The following GTF2E1 variants were observed in gnomAD, a reference collection of about 807,000 sequenced individuals.
The protein encoded by GTF2E1 is general transcription factor IIE subunit 1, also known as TFIIE alpha subunit.
In GTF2E1, 14 loss-of-function variants were observed where a neutral mutation model predicts 34.9. The ratio of observed to expected loss-of-function variants is 0.40; its 90% CI spans 0.27 to 0.63. The LOEUF (loss-of-function observed/expected upper bound fraction) is 0.63. Among genes scored for constraint, GTF2E1 ranks in the 20% least tolerant of loss-of-function variants. The pLI is 0.39. For missense variants in GTF2E1, 469 were observed against 557.7 expected (o/e 0.84, Z 1.60); for synonymous variants, 188 against 192.9 (o/e 0.97, Z 0.21).
intron 3 of GTF2E1, among the ~76,000 whole-genome samples, chr3:120,775,585 A>G (rs1709392284): frequency 6.6e-6 from 1 of 152,206 alleles, no homozygotes; most frequent in Non-Finnish European, 1.5e-5. Flanking sequence ...AAAATGGGGA[A>G]CCATCAGAAA....
intron 4 of GTF2E1, among the ~76,000 whole-genome samples, chr3:120,778,693 C>T (rs1709421284): frequency 6.6e-6 from 1 of 152,064 alleles, no homozygotes; most frequent in South Asian, 2.1e-4. Context: ...GTTTTATTTC[C>T]AGTATCTTTC....
chr3:120,781,606 TAG>T lies in GTF2E1; in HGVS notation c.*141_*142del. On this transcript the variant is annotated 3_prime_UTR_variant, in exon 5 of 5. Coordinates refer to ENST00000283875, the MANE Select transcript of GTF2E1 (RefSeq NM_005513.3). The stretch of plus-strand genomic sequence containing the variant: ...TCCATCCTTGTGCAAAGATTGATGG[TAG>T]AGAGTTTGACTTTTATGCCAGAAAC... 1.5e-6 allele frequency: 1 copy of T among 688,186 alleles called. No homozygotes were observed. Among genetic ancestry groups the T allele is most frequent in the South Asian group, 2.0e-5 (1 of 50,338 alleles). The allele number at this position is 688,186 out of a possible 1,614,324, so 42.6% of individuals were successfully genotyped here. A position where few individuals can be genotyped will look rare whatever the true frequency, so the allele number is the denominator to read the frequency against.
At chr3:120,754,585 T>C (rs1390213794) in intron 2 of GTF2E1, among the ~76,000 whole-genome samples, 1 of 152,138 alleles carries the variant, frequency 6.6e-6, no homozygotes, top group African/African-American at 2.4e-5. Flanking sequence ...TTTTTTCTTA[T>C]GAATTCTTGG....
chr3:120,759,358 A>G (rs1709237147), intron 2 of GTF2E1, among the ~76,000 whole-genome samples: 1 of 152,130 alleles, frequency 6.6e-6, no homozygotes, highest in Non-Finnish European at 1.5e-5. Flanking sequence ...AGGTGGGTAG[A>G]TTGCAAAGAT....
chr3:120,770,196 C>T (rs578203312), intron 2 of GTF2E1, among the ~76,000 whole-genome samples: 114 of 151,844 alleles, frequency 7.5e-4, no homozygotes, highest in African/African-American at 2.7e-3. Context: ...GTGGTGTAGA[C>T]TGTTAAGTAA....
intron 1 of GTF2E1, among the ~76,000 whole-genome samples, chr3:120,747,396 G>A (rs936756782): frequency 7.9e-5 from 12 of 151,686 alleles, no homozygotes; most frequent in South Asian, 2.1e-4. Context: ...ATCCCTCCCC[G>A]CTCCCTCCTC....
At chr3:120,743,875 C>G (rs1318446635) in intron 1 of GTF2E1, among the ~76,000 whole-genome samples, 2 of 152,140 alleles carry the variant, frequency 1.3e-5, no homozygotes, top group Non-Finnish European at 2.9e-5. Context: ...TTCTCTGGCT[C>G]CGTGCCTGGT....
intron 2 of GTF2E1, among the ~76,000 whole-genome samples, chr3:120,756,756 T>C (rs987665341): frequency 6.6e-6 from 1 of 152,058 alleles, no homozygotes; most frequent in South Asian, 2.1e-4. Context: ...CAAAACCCCA[T>C]CTCTACTAAA....
rs1038934616 is a variant in GTF2E1, at chr3:120,757,108, C to T, written c.448+6108C>T. On this transcript the variant is annotated intron_variant, in intron 2 of 4. Transcript: ENST00000283875. Reference sequence around the variant, plus strand: ...TCAGATAGTTGAGATGAGTTTGGTTCTGCATGCTGAGATGAATTTGATTTG... The same window carrying T: ...TCAGATAGTTGAGATGAGTTTGGTTTTGCATGCTGAGATGAATTTGATTTG... 3.3e-5 allele frequency among the ~76,000 whole-genome samples: 5 copies of T among 152,150 alleles called. No individual in the cohort carries two copies. In the East Asian group the frequency reaches 5.8e-4, roughly 18 times the overall value.
chr3:120,782,611 C>G lies in GTF2E1; in HGVS notation c.*1141C>G, dbSNP rs1416110270. 2.0e-5 allele frequency: 3 copies of G among 152,182 alleles called. No individual in the cohort carries two copies. The highest frequency in any genetic ancestry group is 2.9e-5 in the Non-Finnish European group (2 of 68,044). The allele number at this position is 152,182 out of a possible 1,614,324, so 9.4% of individuals were successfully genotyped here. A position where few individuals can be genotyped will look rare whatever the true frequency, so the allele number is the denominator to read the frequency against. Reference sequence around the variant, plus strand: ...CTGAGACTGGTCCTGGTTTTGTTCCCTTTGGGTACAGACCTCTTGTCAGTG... The same window carrying G: ...CTGAGACTGGTCCTGGTTTTGTTCCGTTTGGGTACAGACCTCTTGTCAGTG... On this transcript the variant is annotated 3_prime_UTR_variant, in exon 5 of 5. Coordinates refer to ENST00000283875, the MANE Select transcript of GTF2E1 (RefSeq NM_005513.3).
At chr3:120,749,735 C>G (rs563428611) in intron 1 of GTF2E1, 1 of 152,254 alleles carries the variant, frequency 6.6e-6, no homozygotes, top group South Asian at 2.1e-4. Flanking sequence ...GGTTGTGTCT[C>G]TGCCCGAAGC....
intron 3 of GTF2E1, among the ~76,000 whole-genome samples, chr3:120,771,636 C>T (rs1377044425): frequency 6.6e-6 from 1 of 152,120 alleles, no homozygotes; most frequent in African/African-American, 2.4e-5. Context: ...CACTCCCTTC[C>T]AAAGAGCTCA....
intron 1 of GTF2E1, 38 bp downstream of exon 1, chr3:120,742,832 G>A: frequency 2.6e-6 from 1 of 385,556 alleles, no homozygotes; most frequent in East Asian, 5.9e-5. Flanking sequence ...GGAGTTCCCT[G>A]GCCGGGCATT....
chr3:120,781,089 T>C lies in GTF2E1; in HGVS notation c.939T>C (p.Ala313=). 2 of 1,614,066 alleles carry C rather than the reference T, an allele frequency of 1.2e-6. No homozygotes were observed. The highest frequency in any genetic ancestry group is 8.5e-7 in the Non-Finnish European group (1 of 1,179,952). ...DAFQEREEGH[A]GPDDNEEVMR... ...TTCAGGAGCGTGAGGAAGGCCATGC[T>C]GGGCCTGATGACAACGAAGAGGTCA... Residue 313 remains alanine, a synonymous_variant, in exon 5 of 5, where the codon GCT becomes GCC. Coordinates refer to ENST00000283875, the MANE Select transcript of GTF2E1 (RefSeq NM_005513.3).
chr3:120,743,998 A>G (rs1709082231), intron 1 of GTF2E1, among the ~76,000 whole-genome samples: 1 of 152,106 alleles, frequency 6.6e-6, no homozygotes. Context: ...GGAAGAAACA[A>G]AGGTCCTAGG....
chr3:120,761,062 G>A (rs1047644947), intron 2 of GTF2E1, among the ~76,000 whole-genome samples: 13 of 152,050 alleles, frequency 8.5e-5, no homozygotes, highest in African/African-American at 3.1e-4. Context: ...ACTTTTTTTG[G>A]TTGGTAGGCT....
intron 1 of GTF2E1, among the ~76,000 whole-genome samples, chr3:120,743,806 C>T (rs1709079544): frequency 6.6e-6 from 1 of 152,140 alleles, no homozygotes; most frequent in African/African-American, 2.4e-5. Flanking sequence ...GCTGGTGTGG[C>T]TGGTTATGAG....
chr3:120,747,700 G>A (rs1396554591), intron 1 of GTF2E1, among the ~76,000 whole-genome samples: 1 of 152,116 alleles, frequency 6.6e-6, no homozygotes, highest in Non-Finnish European at 1.5e-5. Context: ...TAGTCCCGCA[G>A]TAAACATACG....
At position 120,768,147 on chromosome 3, in the gene GTF2E1, A is replaced by G. The variant is rs909298476; in HGVS notation, c.449-2581A>G. Among the ~76,000 whole-genome samples, 8 of 152,334 alleles carry G rather than the reference A, an allele frequency of 5.3e-5. No homozygotes were observed. In the South Asian group the frequency reaches 1.7e-3, roughly 32 times the overall value. ...TTAGATAAATAATAAAACATGTTGG[A>G]TAATGATAATGCTAAGGGAAAAGAA... is the stretch of plus-strand genomic sequence containing the variant. On this transcript the variant is annotated intron_variant, in intron 2 of 4. Transcript: ENST00000283875.
Sources: gnomAD v4.1 joint callset for allele counts (sites outside exome capture counted in the v4.1 genomes callset) on GRCh38, gnomAD v4.1.1 for gene constraint, MANE v1.5 for transcripts, NCBI Gene and HGNC (gene_info 2026-07-23, HGNC 2026-07-21) for gene names.